MAP4: variants seen among roughly 807,000 people sequenced by gnomAD.
MAP4 encodes the protein microtubule associated protein 4, also known as microtubule-associated protein 4.
In MAP4, 76 loss-of-function variants were observed where a neutral mutation model predicts 170.2. The observed-to-expected ratio is 0.45, with a 90% CI of 0.37 to 0.54. MAP4 has a LOEUF of 0.54. Among genes scored for constraint, MAP4 ranks in the 20% least tolerant of loss-of-function variants. The pLI is 0.00. For synonymous variants in MAP4, 909 were observed against 994.5 expected (o/e 0.91, Z 1.62); for missense variants, 2,506 against 2,748.0 (o/e 0.91, Z 1.97).
At chr3:47,895,503 G>A (rs1422850193) in intron 10 of MAP4, among the ~76,000 whole-genome samples, 1 of 152,246 alleles carries the variant, frequency 6.6e-6, no homozygotes, top group Non-Finnish European at 1.5e-5. Context: ...GCTGCCTATT[G>A]GCAGAGGCAT....
chr3:47,998,588 C>A, intron 2 of MAP4, 50 bp downstream of exon 2: 1 of 1,437,048 alleles, frequency 7.0e-7, no homozygotes, highest in Non-Finnish European at 9.8e-7. Flanking sequence ...AAGGCATAAT[C>A]CCTAACCTGC....
chr3:47,858,620 TTGTGTG>T (rs72034058), intron 17 of MAP4, among the ~76,000 whole-genome samples: 42 of 142,992 alleles, frequency 2.9e-4, no homozygotes, highest in Middle Eastern at 3.2e-3. Context: ...TGTGTGCGCG[TTGTGTG>T]TGTGTGTGTG....
intron 17 of MAP4, among the ~76,000 whole-genome samples, chr3:47,858,614 T>C (rs201826214): frequency 0.019 from 2,602 of 138,492 alleles, 49 homozygotes; most frequent in African/African-American, 0.054. Flanking sequence ...TGTGTGTGTG[T>C]GCGCGTTGTG....
intron 15 of MAP4, 44 bp from the exon 16 acceptor site, chr3:47,869,371 A>G (rs377205069): frequency 1.5e-6 from 2 of 1,303,136 alleles, no homozygotes; most frequent in African/African-American, 2.9e-5. Context: ...CCAAGAGGAT[A>G]AGAGCTCAAA....
chr3:47,985,038 G>A (rs1390557029), intron 2 of MAP4, among the ~76,000 whole-genome samples: 4 of 152,122 alleles, frequency 2.6e-5, no homozygotes, highest in Non-Finnish European at 5.9e-5. Context: ...CCAGCACTTT[G>A]GGAGGCAGAG....
intron 1 of MAP4, among the ~76,000 whole-genome samples, chr3:48,045,984 CTTTTTTT>C (rs59624917): frequency 7.6e-6 from 1 of 130,848 alleles, no homozygotes; most frequent in Non-Finnish European, 1.6e-5. Flanking sequence ...TGCATCACTT[CTTTTTTT>C]TTTTTTTTTT....
chr3:47,939,271 A>G (rs997040412), intron 3 of MAP4, among the ~76,000 whole-genome samples: 2 of 152,198 alleles, frequency 1.3e-5, no homozygotes, highest in Admixed American at 6.5e-5. Flanking sequence ...TTTTCCTGTT[A>G]GTCTTTTTTT....
intron 10 of MAP4, among the ~76,000 whole-genome samples, chr3:47,887,824 C>G (rs9810729): frequency 2.6e-5 from 4 of 151,296 alleles, no homozygotes; most frequent in Non-Finnish European, 4.4e-5. Context: ...ACCTTTATGT[C>G]TAGCTCAGGG....
At chr3:47,902,378 A>C (rs1369167178) in intron 10 of MAP4, among the ~76,000 whole-genome samples, 4 of 151,718 alleles carry the variant, frequency 2.6e-5, no homozygotes, top group Non-Finnish European at 5.9e-5. Context: ...GCATGGTAGT[A>C]AAAAAAAGCC....
chr3:47,977,239 C>G (rs1294361409), intron 3 of MAP4, among the ~76,000 whole-genome samples: 1 of 152,178 alleles, frequency 6.6e-6, no homozygotes, highest in Non-Finnish European at 1.5e-5. Context: ...ATCCCTGGGA[C>G]TCCTGCTACT....
rs201260784 is a variant in MAP4, at chr3:48,074,501, T to C, written c.-20+14272A>G. On this transcript the variant is annotated intron_variant, in intron 1 of 18. Coordinates refer to the MAP4 transcript ENST00000360240. ...CTACAAAATACATTATATATATATA[T>C]ACACACACTTTTTTTTTTTTTTTTT... is the stretch of plus-strand genomic sequence containing the variant. Among the ~76,000 whole-genome samples, 25 of 80,230 alleles carry C rather than the reference T, an allele frequency of 3.1e-4. 1 individual carries two copies. The South Asian group carries it at 4.4e-3, about 14-fold the overall frequency. The allele number at this position is 80,230 out of a possible 152,430, so 52.6% of individuals were successfully genotyped here. A position where few individuals can be genotyped will look rare whatever the true frequency, so the allele number is the denominator to read the frequency against.
chr3:48,025,941 A>ATAATAATAAC (rs1559813925), intron 1 of MAP4, among the ~76,000 whole-genome samples: 1 of 148,800 alleles, frequency 6.7e-6, no homozygotes, highest in Non-Finnish European at 1.5e-5. Flanking sequence ...AATAATAACA[A>ATAATAATAAC]TAATAATAAT....
At chr3:47,880,472 T>G (rs1437607166) in intron 10 of MAP4, among the ~76,000 whole-genome samples, 10 of 145,828 alleles carry the variant, frequency 6.9e-5, no homozygotes, top group Admixed American at 2.0e-4. Flanking sequence ...TCAGTTTTTT[T>G]TTTTTTTTTT....
chr3:47,877,498 C>T lies in MAP4; in HGVS notation c.5460G>A (p.Arg1820=). The change falls in exon 11 of 21, where the codon AGG becomes AGA. Residue 1820 remains arginine, a synonymous_variant. Coordinates refer to ENST00000683076, the MANE Select transcript of MAP4 (RefSeq NM_001385682.1). The part of the protein sequence containing the change: ...VYGIARPEEG[R]PVVSGTGNDI... ...CATTTCCTGTCCCACTCACCACAGG[C>T]CTTCCTTCTTCTGGCCTGGCTATTC... 6.2e-7 allele frequency: 1 copy of T among 1,613,794 alleles called. No homozygotes were observed. Among genetic ancestry groups the T allele is most frequent in the Non-Finnish European group, 8.5e-7 (1 of 1,179,854 alleles).
chr3:47,888,459 A>G (rs2152962498), intron 10 of MAP4, among the ~76,000 whole-genome samples: 1 of 152,064 alleles, frequency 6.6e-6, no homozygotes, highest in East Asian at 1.9e-4. Flanking sequence ...GGAGGAACGA[A>G]CAACTCCAGA....
Position 47,912,411 on chromosome 3 carries a change from C to T in MAP4, c.2010G>A (p.Met670Ile). 1 of 1,472,374 alleles carries T rather than the reference C, an allele frequency of 6.8e-7. No individual in the cohort carries two copies. Among genetic ancestry groups the T allele is most frequent in the Middle Eastern group, 1.8e-4 (1 of 5,696 alleles). The allele number at this position is 1,472,374 out of a possible 1,614,324, so 91.2% of individuals were successfully genotyped here. The change falls in exon 9 of 21, where the codon ATG becomes ATA. Residue 670 changes from methionine (M) to isoleucine (I), a missense_variant. Around this residue, in one of 3 missense-constraint regions of MAP4, gnomAD observed 2,008 missense variants for 2,206.0 expected, o/e 0.91. Coordinates refer to ENST00000683076, the MANE Select transcript of MAP4 (RefSeq NM_001385682.1). ...CTTGTGTGGGAGGGGTACCGCAATA[C>T]ATGAAGTTGGCTAAAATTCCAAACA... is the stretch of plus-strand genomic sequence containing the variant. ...ELSSETSANFMYCGTPPTQAK... is the reference protein window; with the variant it reads ...ELSSETSANFIYCGTPPTQAK...
intron 9 of MAP4, among the ~76,000 whole-genome samples, chr3:47,905,558 C>A (rs1291277935): frequency 3.2e-4 from 48 of 148,296 alleles, no homozygotes; most frequent in South Asian, 6.4e-4. Flanking sequence ...AAAAAAAAAA[C>A]CCCACAAACA....
intron 17 of MAP4, among the ~76,000 whole-genome samples, chr3:47,865,776 GGGGCT>G (rs2078429255): frequency 6.6e-6 from 1 of 152,224 alleles, no homozygotes; most frequent in Non-Finnish European, 1.5e-5. Flanking sequence ...GGTGAGGGCA[GGGGCT>G]GTACATGGCG....
At chr3:47,951,928 C>A (rs1014275442) in intron 3 of MAP4, among the ~76,000 whole-genome samples, 3 of 151,944 alleles carry the variant, frequency 2.0e-5, no homozygotes, top group Admixed American at 1.3e-4. Flanking sequence ...CGGCCGCCAT[C>A]CCAACTAGGA....
Sources: gnomAD v4.1 joint callset for allele counts (sites outside exome capture counted in the v4.1 genomes callset) on GRCh38, gnomAD v4.1.1 for gene constraint, gnomAD v4.1.1 regional missense constraint, MANE v1.5 for transcripts, NCBI Gene and HGNC (gene_info 2026-07-23, HGNC 2026-07-21) for gene names.